The following GPX4 variants were observed in gnomAD, a reference collection of about 807,000 sequenced individuals.
GPX4 encodes the protein glutathione peroxidase 4.
GPX4 carries 28 observed loss-of-function variants against 27.8 expected under a neutral mutation model. That is an observed-to-expected ratio of 1.01 (90% CI 0.75 to 1.38). The LOEUF (loss-of-function observed/expected upper bound fraction) is 1.38, where lower values mean the gene tolerates loss of function less well. GPX4 is among the 40% of genes most tolerant of loss of function. GPX4 has a pLI of 0.00. For missense variants in GPX4, 357 were observed against 274.1 expected (o/e 1.30, Z -2.14); for synonymous variants, 163 against 107.8 (o/e 1.51, Z -3.17).
rs2079659755 is a variant in GPX4, at chr19:1,106,526, T to C, written c.562-14T>C. Reference sequence around the variant, plus strand: ...GGGAGGTAGCTGCCCTAACCCAGCTTTCCTCCCCGACAGGTGATAGAGAAG... The same window carrying C: ...GGGAGGTAGCTGCCCTAACCCAGCTCTCCTCCCCGACAGGTGATAGAGAAG... On this transcript the variant is annotated splice_polypyrimidine_tract_variant and intron_variant, in intron 6 of 6. Coordinates refer to ENST00000354171, the MANE Select transcript of GPX4 (RefSeq NM_002085.5). 1.2e-6 allele frequency: 2 copies of C among 1,612,946 alleles called. No homozygotes were observed. Among genetic ancestry groups the C allele is most frequent in the Non-Finnish European group, 1.7e-6 (2 of 1,179,582 alleles).
chr19:1,106,133 G>A (rs1167556127), intron 4 of GPX4, 109 bp from the exon 5 acceptor site: 12 of 1,080,224 alleles, frequency 1.1e-5, no homozygotes, highest in Non-Finnish European at 1.6e-5. Flanking sequence ...CACTGTGGCT[G>A]TGGAGGCAGC....
chr19:1,106,083 T>C (rs1703517771), intron 4 of GPX4, 159 bp from the exon 5 acceptor site: 4 of 524,188 alleles, frequency 7.6e-6, no homozygotes, highest in Non-Finnish European at 1.2e-5. Flanking sequence ...TCACACTGCA[T>C]GGCCTCCTGG....
At position 1,105,726 on chromosome 19, in the gene GPX4, C is replaced by T; in HGVS notation, c.393C>T (p.Ser131=). Residue 131 remains serine (S), a synonymous_variant, in exon 4 of 7, where the codon AGC becomes AGT. Coordinates refer to ENST00000354171, the MANE Select transcript of GPX4 (RefSeq NM_002085.5). ...ACAACGTCAAATTCGATATGTTCAG[C>T]AAGATCTGCGTGAACGGGGACGACG... ...AGYNVKFDMF[S]KICVNGDDAH... The T allele has an allele frequency of 6.2e-7, 1 of 1,608,738 alleles. No homozygotes were observed. Among genetic ancestry groups the T allele is most frequent in the Non-Finnish European group, 8.5e-7 (1 of 1,177,772 alleles).
Position 1,104,768 on chromosome 19 carries a change from C to T in GPX4, c.85-418C>T, listed in dbSNP as rs2079627574. On this transcript the variant is annotated intron_variant, in intron 1 of 6. Coordinates refer to ENST00000354171, the MANE Select transcript of GPX4 (RefSeq NM_002085.5). ...CGCGGGCGCAGGCTCCCCCGGGCGC[C>T]GCAGGCAGCGGTGCCAGAGCCGGGG... 2 of 987,394 alleles carry T rather than the reference C, an allele frequency of 2.0e-6. No homozygotes were observed. The highest frequency in any genetic ancestry group is 3.5e-5 in the African/African-American group (2 of 57,284). The allele number at this position is 987,394 out of a possible 1,614,324, so 61.2% of individuals were successfully genotyped here.
chr19:1,104,902 C>T, intron 1 of GPX4: 1 of 1,371,778 alleles, frequency 7.3e-7, no homozygotes, highest in Non-Finnish European at 9.5e-7. Context: ...GACCGGAGAT[C>T]CACGAATGTC....
chr19:1,104,038 G>T lies in GPX4; in HGVS notation c.-6G>T. ...GGAGGAGCCGCTGGCTCCCAGCCCC[G>T]CCGCGATGAGCCTCGGCCGCCTTTG... is the stretch of plus-strand genomic sequence containing the variant. On this transcript the variant is annotated 5_prime_UTR_variant, in exon 1 of 7. Transcript: ENST00000354171. The T allele has an allele frequency of 2.0e-6, 3 of 1,518,720 alleles. No homozygotes were observed. Among genetic ancestry groups the T allele is most frequent in the Non-Finnish European group, 2.6e-6 (3 of 1,139,524 alleles). 94.1% of individuals were successfully genotyped at this position (1,518,720 alleles called of 1,614,324 possible).
rs768267697 is a variant in GPX4, at chr19:1,105,227, C to T, written c.126C>T (p.His42=). The part of the protein sequence containing the change: ...RDDWRCARSM[H]EFSAKDIDGH... ...ACTGGCGCTGTGCGCGCTCCATGCACGAGTTTTCCGCCAAGGACATCGACG... is the reference window on the plus strand; with the variant it reads ...ACTGGCGCTGTGCGCGCTCCATGCATGAGTTTTCCGCCAAGGACATCGACG... Residue 42 remains histidine (H), a synonymous_variant, in exon 2 of 7, where the codon CAC becomes CAT. Coordinates refer to ENST00000354171, the MANE Select transcript of GPX4 (RefSeq NM_002085.5). The T allele has an allele frequency of 1.4e-5, 23 of 1,613,066 alleles. No homozygotes were observed. The highest frequency in any genetic ancestry group is 1.9e-5 in the Non-Finnish European group (23 of 1,179,900).
chr19:1,105,071 G>A, intron 1 of GPX4, 115 bp from the exon 2 acceptor site: 1 of 1,485,026 alleles, frequency 6.7e-7, no homozygotes. Flanking sequence ...CAGGTCTTCA[G>A]GGCCGCAGGG....
At position 1,106,372 on chromosome 19, in the gene GPX4, C is replaced by G. The variant is rs367960722; in HGVS notation, c.502-28C>G. ...GCCTCAGCCCCTTGCAGGGGTGGCC[C>G]CACAGTTTGGACACCGTCTCTCCAC... On this transcript the variant is annotated intron_variant, in intron 5 of 6. Coordinates refer to ENST00000354171, the MANE Select transcript of GPX4 (RefSeq NM_002085.5). 3 of 1,613,192 alleles carry G rather than the reference C, an allele frequency of 1.9e-6. No individual in the cohort carries two copies. In the South Asian group the frequency reaches 3.3e-5, roughly 18 times the overall value.
intron 1 of GPX4, chr19:1,104,830 C>T: frequency 9.4e-7 from 1 of 1,068,316 alleles, no homozygotes; most frequent in Non-Finnish European, 1.1e-6. Context: ...GGCGGAAGGC[C>T]CCAGCGTGCA....
Position 1,105,474 on chromosome 19 carries a change from G to C in GPX4, c.288G>C (p.Arg96=), listed in dbSNP as rs753350196. 6 of 1,611,864 alleles carry C rather than the reference G, an allele frequency of 3.7e-6. No homozygotes were observed. Among genetic ancestry groups the C allele is most frequent in the Admixed American group, 3.3e-5 (2 of 59,986 alleles). The change falls in exon 3 of 7, where the codon CGG becomes CGC. Residue 96 remains arginine, a synonymous_variant. Transcript: ENST00000354171. ...LHARYAECGL[R]ILAFPCNQFG... ...CCCGATACGCTGAGTGTGGTTTGCG[G>C]ATCCTGGCCTTCCCGTGTAACCAGT...
rs925722714 is a variant in GPX4 at position 1,104,125 on chromosome 19, A to G, written c.82A>G (p.Met28Val). 4.1e-6 allele frequency: 6 copies of G among 1,477,510 alleles called. No homozygotes were observed. Among genetic ancestry groups the G allele is most frequent in the Middle Eastern group, 4.8e-4 (2 of 4,200 alleles). 91.5% of individuals were successfully genotyped at this position (1,477,510 alleles called of 1,614,324 possible). Reference protein sequence around the residue: ...ALAAPGLAGTMCASRDDWRCA... With the variant: ...ALAAPGLAGTVCASRDDWRCA... ...GGCCGCGCCTGGCCTGGCCGGGACC[A>G]TGGTGAGCTAGCGCCGCGGCCGTTG... Residue 28 changes from methionine (M) to valine (V), a missense_variant and splice_region_variant, in exon 1 of 7, where the codon ATG becomes GTG. Physicochemically the swap from Met to Val is conservative, Grantham distance 21. Coordinates refer to ENST00000354171, the MANE Select transcript of GPX4 (RefSeq NM_002085.5).
Position 1,104,082 on chromosome 19 carries a change from G to T in GPX4, c.39G>T (p.Ala13=). The T allele has an allele frequency of 6.6e-7, 1 of 1,518,156 alleles. No homozygotes were observed. The highest frequency in any genetic ancestry group is 2.6e-5 in the East Asian group (1 of 38,318). The allele number at this position is 1,518,156 out of a possible 1,614,324, so 94.0% of individuals were successfully genotyped here. A position where few individuals can be genotyped will look rare whatever the true frequency, so the allele number is the denominator to read the frequency against. Residue 13 remains alanine, a synonymous_variant, in exon 1 of 7, where the codon GCG becomes GCT. Coordinates refer to ENST00000354171, the MANE Select transcript of GPX4 (RefSeq NM_002085.5). ...LGRLCRLLKP[A]LLCGALAAPG... ...GCCTTTGCCGCCTACTGAAGCCGGC[G>T]CTGCTCTGTGGGGCTCTGGCCGCGC...
Position 1,105,402 on chromosome 19 carries a change from G to A in GPX4, c.216G>A (p.Gln72=), listed in dbSNP as rs1599808561. ...GCATCGTCACCAACGTGGCCTCCCA[G>A]TGAGGCAAGACCGAAGTAAACTACA... ...FVCIVTNVAS[Q]UGKTEVNYTQ... is the part of the protein sequence containing the mutation. The change falls in exon 3 of 7, where the codon CAG becomes CAA. Residue 72 remains glutamine (Q), a synonymous_variant. Coordinates refer to ENST00000354171, the MANE Select transcript of GPX4 (RefSeq NM_002085.5). 1 of 1,611,410 alleles carries A rather than the reference G, an allele frequency of 6.2e-7. No homozygotes were observed. Among genetic ancestry groups the A allele is most frequent in the Non-Finnish European group, 8.5e-7 (1 of 1,178,782 alleles).
chr19:1,106,221 G>A (rs752965720), intron 4 of GPX4, 21 bp from the exon 5 acceptor site: 57 of 1,598,860 alleles, frequency 3.6e-5, no homozygotes, highest in East Asian at 1.1e-4. Flanking sequence ...GGACGCTCAC[G>A]TCCATGTGCT....
Position 1,104,086 on chromosome 19 carries a change from C to T in GPX4, c.43C>T (p.Leu15Phe). The change falls in exon 1 of 7, where the codon CTC becomes TTC. Residue 15 changes from leucine to phenylalanine, a missense_variant. Leu to Phe is a conservative substitution (Grantham distance 22, BLOSUM62 0). Transcript: ENST00000354171. ...RLCRLLKPAL[L>F]CGALAAPGLA... ...TTGCCGCCTACTGAAGCCGGCGCTG[C>T]TCTGTGGGGCTCTGGCCGCGCCTGG... 12 of 1,512,886 alleles carry T rather than the reference C, an allele frequency of 7.9e-6. No individual in the cohort carries two copies. The highest frequency in any genetic ancestry group is 1.1e-5 in the Non-Finnish European group (12 of 1,137,476). The allele number at this position is 1,512,886 out of a possible 1,614,324, so 93.7% of individuals were successfully genotyped here.
At chr19:1,104,498 G>A in intron 1 of GPX4, 1 of 435,172 alleles carries the variant, frequency 2.3e-6, no homozygotes, top group Non-Finnish European at 3.2e-6. Flanking sequence ...GAGCTGGACC[G>A]TTGAGGGCCA....
intron 1 of GPX4, chr19:1,104,865 G>T: frequency 8.4e-7 from 1 of 1,195,710 alleles, no homozygotes; most frequent in African/African-American, 1.6e-5. Flanking sequence ...CGGCGCCGGC[G>T]GAAGAAGCCC....
chr19:1,106,525 T>C lies in GPX4; in HGVS notation c.562-15T>C. On this transcript the variant is annotated splice_polypyrimidine_tract_variant and intron_variant, in intron 6 of 6. Transcript: ENST00000354171. ...TGGGAGGTAGCTGCCCTAACCCAGC[T>C]TTCCTCCCCGACAGGTGATAGAGAA... 1 of 1,612,598 alleles carries C rather than the reference T, an allele frequency of 6.2e-7. No individual in the cohort carries two copies.
Sources: allele counts gnomAD v4.1 joint callset, GRCh38; gene constraint gnomAD v4.1.1; transcripts MANE v1.5; gene names NCBI Gene and HGNC (gene_info 2026-07-23, HGNC 2026-07-21).